AGAP1: variants seen among roughly 807,000 people sequenced by gnomAD.
The protein encoded by AGAP1 is arf-GAP with GTPase, ANK repeat and PH domain-containing protein 1.
AGAP1 carries 29 observed loss-of-function variants against 105.3 expected under a neutral mutation model. The ratio of observed to expected loss-of-function variants is 0.28; its 90% CI spans 0.21 to 0.38. The LOEUF (loss-of-function observed/expected upper bound fraction) is 0.38. AGAP1 is among the 10% of genes least tolerant of loss of function. The pLI, the probability that AGAP1 is intolerant of heterozygous loss-of-function variation, is 1.00. For missense variants in AGAP1, 998 were observed against 1,165.1 expected (o/e 0.86, Z 2.09); for synonymous variants, 509 against 485.9 (o/e 1.05, Z -0.63).
chr2:235,698,652 C>CA (rs1256801951), intron 1 of AGAP1, among the ~76,000 whole-genome samples: 9 of 152,250 alleles, frequency 5.9e-5, no homozygotes, highest in Admixed American at 2.0e-4. Context: ...TCTAAGGTGA[C>CA]AATGTTCTAC....
intron 1 of AGAP1, among the ~76,000 whole-genome samples, chr2:235,495,526 C>T (rs1228655577): frequency 2.0e-5 from 3 of 152,232 alleles, no homozygotes; most frequent in Non-Finnish European, 4.4e-5. Context: ...GTCTCGCTTT[C>T]ATATGTCTGC....
At chr2:235,746,166 T>G (rs560148249) in intron 5 of AGAP1, among the ~76,000 whole-genome samples, 1 of 151,764 alleles carries the variant, frequency 6.6e-6, no homozygotes, top group East Asian at 2.0e-4. Context: ...GTGTCTGTAA[T>G]CCCAGCTACT....
At chr2:236,107,109 C>T (rs2059516563) in intron 16 of AGAP1, among the ~76,000 whole-genome samples, 1 of 151,856 alleles carries the variant, frequency 6.6e-6, no homozygotes, top group South Asian at 2.1e-4. Context: ...ACCCGTTCCC[C>T]CCCGCCCCAC....
intron 6 of AGAP1, among the ~76,000 whole-genome samples, chr2:235,757,170 G>A (rs1240226884): frequency 6.6e-6 from 1 of 152,056 alleles, no homozygotes; most frequent in East Asian, 1.9e-4. Context: ...CCATGTCAAA[G>A]AGATAAATTA....
In AGAP1 at chr2:236,009,546, C is replaced by CA. The variant is rs2056438595; in HGVS notation, c.1646-27013dup. ...ATGTGGACAGAGTAGTGCTGTCTGA[C>CA]AAGGTGATCATTTGACTTTTCTTAG... On this transcript the variant is annotated intron_variant, in intron 13 of 17. Coordinates refer to ENST00000304032, the MANE Select transcript of AGAP1 (RefSeq NM_001037131.3). The surrounding 1 kb of genome is among the most constrained non-coding windows in gnomAD (Gnocchi z 4.2). Among the ~76,000 whole-genome samples, 1 of 152,192 alleles carries CA rather than the reference C, an allele frequency of 6.6e-6. No individual in the cohort carries two copies. The highest frequency in any genetic ancestry group is 2.1e-4 in the South Asian group (1 of 4,830).
chr2:235,607,705 C>G (rs577185436), intron 1 of AGAP1, among the ~76,000 whole-genome samples: 1 of 152,166 alleles, frequency 6.6e-6, no homozygotes, highest in Non-Finnish European at 1.5e-5. Flanking sequence ...ACTTTAAGTG[C>G]GGGCTTGGGT....
At chr2:235,776,438 T>C (rs1043349400) in intron 6 of AGAP1, among the ~76,000 whole-genome samples, 1 of 152,216 alleles carries the variant, frequency 6.6e-6, no homozygotes, top group African/African-American at 2.4e-5. Flanking sequence ...CTCTTGCCTG[T>C]GACAGAGCTC....
rs183416272 is a variant in AGAP1 at position 235,925,955 on chromosome 2, A to G, written c.1325-4810A>G. ...CATTAACGTGAAATGAATTCCAGTG[A>G]GTGAAAACAGTTGCCCTCGAGTACT... is the stretch of plus-strand genomic sequence containing the variant. On this transcript the variant is annotated intron_variant, in intron 11 of 17. Transcript: ENST00000304032. Among the ~76,000 whole-genome samples, 236 of 152,352 alleles carry G rather than the reference A, an allele frequency of 1.5e-3. 2 individuals are homozygous for G. Among genetic ancestry groups the G allele is most frequent in the Middle Eastern group, 6.8e-3 (2 of 294 alleles).
chr2:235,513,240 C>CCGGGCGCGGGCA (rs111261000), intron 1 of AGAP1, among the ~76,000 whole-genome samples: 5 of 151,494 alleles, frequency 3.3e-5, no homozygotes, highest in East Asian at 2.0e-4. Context: ...GATCACTGTG[C>CCGGGCGCGGGCA]CGGGCGCGGG....
chr2:235,955,091 A>G (rs1476342254), intron 12 of AGAP1, among the ~76,000 whole-genome samples: 1 of 152,124 alleles, frequency 6.6e-6, no homozygotes, highest in African/African-American at 2.4e-5. Flanking sequence ...CAGGGGTGCT[A>G]TTTTGTTCAT....
chr2:235,617,443 T>C (rs982358288), intron 1 of AGAP1, among the ~76,000 whole-genome samples: 1 of 152,214 alleles, frequency 6.6e-6, no homozygotes, highest in Non-Finnish European at 1.5e-5. Context: ...GGCTCACACC[T>C]GTAATCCGAG....
rs534440035 is a variant in AGAP1, at chr2:235,596,501, T to C, written c.163+101652T>C. ...GCAAGGTGGACCTGAGAGTCTGTGT[T>C]TCTGGTGAGCCACAGGTAGCACCCC... On this transcript the variant is annotated intron_variant, in intron 1 of 17. Transcript: ENST00000304032. This position sits in a 1 kb window ranked among gnomAD's most constrained non-coding sequence, Gnocchi z 5.9. 7.9e-5 allele frequency among the ~76,000 whole-genome samples: 12 copies of C among 152,206 alleles called. No individual in the cohort carries two copies. The East Asian group carries it at 2.1e-3, about 27-fold the overall frequency.
chr2:235,566,680 C>A lies in AGAP1; in HGVS notation c.163+71831C>A. The A allele has an allele frequency of 1.2e-6, 1 of 854,310 alleles. No homozygotes were observed. The highest frequency in any genetic ancestry group is 1.4e-6 in the Non-Finnish European group (1 of 710,314). 52.9% of individuals were successfully genotyped at this position (854,310 alleles called of 1,614,324 possible). A position where few individuals can be genotyped will look rare whatever the true frequency, so the allele number is the denominator to read the frequency against. ...AGGACCAGCCGGGACCGGGGAGAGGCTGTTCGAGGAACACAGGATGCATAT... is the reference window on the plus strand; with the variant it reads ...AGGACCAGCCGGGACCGGGGAGAGGATGTTCGAGGAACACAGGATGCATAT... On this transcript the variant is annotated intron_variant, in intron 1 of 17. Coordinates refer to ENST00000304032, the MANE Select transcript of AGAP1 (RefSeq NM_001037131.3). This position sits in a 1 kb window ranked among gnomAD's most constrained non-coding sequence, Gnocchi z 5.2.
rs924658347 is a variant in AGAP1, at chr2:235,615,450, C to A, written c.164-93729C>A. ...GAGCTATTTTTTTTCAAAGCATTATCTCTCTACTGTTTGTAGGCAGAGAAT... is the reference window on the plus strand; with the variant it reads ...GAGCTATTTTTTTTCAAAGCATTATATCTCTACTGTTTGTAGGCAGAGAAT... On this transcript the variant is annotated intron_variant, in intron 1 of 17. Transcript: ENST00000304032. This position sits in a 1 kb window ranked among gnomAD's most constrained non-coding sequence, Gnocchi z 5.0. Among the ~76,000 whole-genome samples the A allele has an allele frequency of 4.6e-5, 7 of 152,166 alleles. No individual in the cohort carries two copies. The highest frequency in any genetic ancestry group is 7.3e-5 in the Non-Finnish European group (5 of 68,032).
In AGAP1 at chr2:235,931,146, G is replaced by C. The variant is rs1319947714; in HGVS notation, c.1483+223G>C. On this transcript the variant is annotated intron_variant, in intron 12 of 17. Coordinates refer to ENST00000304032, the MANE Select transcript of AGAP1 (RefSeq NM_001037131.3). This position sits in a 1 kb window ranked among gnomAD's most constrained non-coding sequence, Gnocchi z 5.6. ...TCTCATCTGTTCCTCTTTGGCACAG[G>C]GAGGAGGTAGTCATCCCATTTGGTC... 1.3e-5 allele frequency among the ~76,000 whole-genome samples: 2 copies of C among 152,214 alleles called. No homozygotes were observed. Among genetic ancestry groups the C allele is most frequent in the Non-Finnish European group, 2.9e-5 (2 of 68,036 alleles).
intron 9 of AGAP1, among the ~76,000 whole-genome samples, chr2:235,880,670 G>A (rs1030755381): frequency 7.9e-5 from 12 of 152,088 alleles, no homozygotes; most frequent in Admixed American, 2.6e-4. Context: ...AACCTGGGAG[G>A]CGGAGCTTGC....
chr2:235,816,386 CAAG>C (rs1958454430), intron 9 of AGAP1, among the ~76,000 whole-genome samples: 1 of 142,628 alleles, frequency 7.0e-6, no homozygotes, highest in African/African-American at 2.6e-5. Context: ...TGCAGCGAGC[CAAG>C]ATCGCACCAC....
At chr2:235,668,544 TTAGGGGA>T (rs1948206869) in intron 1 of AGAP1, among the ~76,000 whole-genome samples, 1 of 152,162 alleles carries the variant, frequency 6.6e-6, no homozygotes, top group African/African-American at 2.4e-5. Context: ...TGTGGTGTGA[TTAGGGGA>T]CATTGTATTT....
intron 1 of AGAP1, among the ~76,000 whole-genome samples, chr2:235,567,351 C>T (rs1197752320): frequency 6.6e-6 from 1 of 152,162 alleles, no homozygotes; most frequent in East Asian, 1.9e-4. Context: ...CCATGGCCTT[C>T]CCTTCCAGAG....
Sources: gnomAD v4.1 joint callset for allele counts (sites outside exome capture counted in the v4.1 genomes callset) on GRCh38, gnomAD v4.1.1 for gene constraint, Gnocchi (gnomAD v3.1) non-coding constraint, MANE v1.5 for transcripts, NCBI Gene and HGNC (gene_info 2026-07-23, HGNC 2026-07-21) for gene names.